CAV1: variants seen among roughly 807,000 people sequenced by gnomAD.
CAV1 encodes the protein caveolin 1, also known as caveolin-1.
CAV1 carries 10 observed loss-of-function variants against 16.5 expected under a neutral mutation model. The ratio of observed to expected loss-of-function variants is 0.61; its 90% CI spans 0.37 to 1.03. CAV1 has a LOEUF of 1.03. Among genes scored for constraint, CAV1 ranks in the 50% least tolerant of loss-of-function variants. CAV1 has a pLI of 0.01. For missense variants in CAV1, 212 were observed against 232.8 expected, an observed-to-expected ratio of 0.91 and a Z score of 0.58; for synonymous variants, 76 against 85.1, an observed-to-expected ratio of 0.89 and a Z score of 0.59.
chr7:116,550,325 C>T (rs142620122), intron 2 of CAV1, among the ~76,000 whole-genome samples: 303 of 152,238 alleles, frequency 2.0e-3, no homozygotes, highest in Non-Finnish European at 3.1e-3. Context: ...CCAAGGGAAC[C>T]AACGTCGAAG....
chr7:116,558,522 T>C (rs908641691), intron 2 of CAV1, among the ~76,000 whole-genome samples: 11 of 150,944 alleles, frequency 7.3e-5, no homozygotes, highest in African/African-American at 2.2e-4. Context: ...CCAAGGTGGG[T>C]GGATTCCTTG....
chr7:116,554,421 G>A (rs1037814692), intron 2 of CAV1, among the ~76,000 whole-genome samples: 7 of 152,178 alleles, frequency 4.6e-5, no homozygotes, highest in African/African-American at 1.4e-4. Context: ...AGGAGACCTA[G>A]AGATATGAAT....
chr7:116,529,309 C>T (rs1793636314), intron 2 of CAV1, among the ~76,000 whole-genome samples: 1 of 152,198 alleles, frequency 6.6e-6, no homozygotes, highest in East Asian at 1.9e-4. Flanking sequence ...GTCCTAAAAG[C>T]AAGCAGCCCT....
At chr7:116,532,053 G>T (rs938365715) in intron 2 of CAV1, among the ~76,000 whole-genome samples, 1 of 152,062 alleles carries the variant, frequency 6.6e-6, no homozygotes, top group Non-Finnish European at 1.5e-5. Flanking sequence ...TCTATTAACT[G>T]CAATCAAAAA....
intron 2 of CAV1, among the ~76,000 whole-genome samples, chr7:116,553,674 A>G (rs1794207600): frequency 6.6e-6 from 1 of 152,122 alleles, no homozygotes; most frequent in South Asian, 2.1e-4. Context: ...TGTTCTGCTC[A>G]TATTCTAAGT....
intron 2 of CAV1, among the ~76,000 whole-genome samples, chr7:116,538,387 A>T (rs775313598): frequency 6.6e-5 from 10 of 152,212 alleles, no homozygotes; most frequent in Non-Finnish European, 1.3e-4. Flanking sequence ...CTCAGCAATC[A>T]TGGTTCACTG....
At chr7:116,525,516 C>G (rs1415650583) in intron 1 of CAV1, 6 of 1,238,376 alleles carry the variant, frequency 4.8e-6, no homozygotes, top group Non-Finnish European at 6.2e-6. Context: ...CCCCGGGACT[C>G]TCCGCCAGGC....
intron 2 of CAV1, among the ~76,000 whole-genome samples, chr7:116,546,702 A>AAAAAAATAAAATAAAAT (rs1554356434): frequency 7.0e-6 from 1 of 143,054 alleles, no homozygotes; most frequent in African/African-American, 2.6e-5. Context: ...TGTCACAAAA[A>AAAAAAATAAAATAAAAT]AAAAAAAAAA....
chr7:116,558,287 A>C (rs1297372069), intron 2 of CAV1, among the ~76,000 whole-genome samples: 1 of 152,062 alleles, frequency 6.6e-6, no homozygotes, highest in Non-Finnish European at 1.5e-5. Flanking sequence ...ATCCTTATCC[A>C]TGTTTGGGGG....
intron 1 of CAV1, chr7:116,525,509 C>T: frequency 8.0e-7 from 1 of 1,245,102 alleles, no homozygotes; most frequent in Non-Finnish European, 1.0e-6. Flanking sequence ...GGACAGTCCC[C>T]GGGACTCTCC....
chr7:116,527,034 T>C, intron 2 of CAV1: 1 of 365,072 alleles, frequency 2.7e-6, no homozygotes, highest in South Asian at 2.3e-5. Flanking sequence ...AGATGGTTCC[T>C]ATCCATTCCC....
intron 2 of CAV1, among the ~76,000 whole-genome samples, chr7:116,557,731 T>A (rs938731524): frequency 1.3e-5 from 2 of 152,154 alleles, no homozygotes; most frequent in African/African-American, 4.8e-5. Context: ...CTTTTTTTTA[T>A]GACCACCTTT....
intron 2 of CAV1, among the ~76,000 whole-genome samples, chr7:116,541,034 G>T (rs757672542): frequency 1.3e-5 from 2 of 152,146 alleles, no homozygotes; most frequent in Admixed American, 6.5e-5. Context: ...CTCAAACTAG[G>T]TCTGTCAATT....
intron 2 of CAV1, among the ~76,000 whole-genome samples, chr7:116,550,763 A>G (rs73208115): frequency 0.015 from 2,345 of 152,290 alleles, 25 homozygotes; most frequent in South Asian, 0.035. Flanking sequence ...GTATGTATTT[A>G]ATCTTTTTTT....
At position 116,553,636 on chromosome 7, in the gene CAV1, T is replaced by C. The variant is rs570136088; in HGVS notation, c.196-5310T>C. Reference sequence around the variant, plus strand: ...TAATGGCACCTACACCTCTTGGGCATTGAGTTTTTAAGCCCATTTTTAATT... The same window carrying C: ...TAATGGCACCTACACCTCTTGGGCACTGAGTTTTTAAGCCCATTTTTAATT... On this transcript the variant is annotated intron_variant, in intron 2 of 2. Transcript: ENST00000341049. Among the ~76,000 whole-genome samples the C allele has an allele frequency of 1.7e-3, 252 of 152,176 alleles. 1 individual carries two copies. Among genetic ancestry groups the C allele is most frequent in the African/African-American group, 5.8e-3 (240 of 41,554 alleles).
At chr7:116,538,902 G>A (rs1270996638) in intron 2 of CAV1, among the ~76,000 whole-genome samples, 1 of 152,176 alleles carries the variant, frequency 6.6e-6, no homozygotes, top group Non-Finnish European at 1.5e-5. Flanking sequence ...AAAAGCATCA[G>A]ATTTCGTGGG....
Position 116,559,497 on chromosome 7 carries a change from C to A in CAV1, c.*210C>A. ...TTTGGCAGTCTGAATTTTTAAAACC[C>A]ATTTAAATTTTTTTCCTTACCTTTT... is the stretch of plus-strand genomic sequence containing the variant. On this transcript the variant is annotated 3_prime_UTR_variant, in exon 3 of 3. Transcript: ENST00000341049. The A allele has an allele frequency of 1.7e-6, 1 of 602,848 alleles. No homozygotes were observed. The highest frequency in any genetic ancestry group is 3.0e-5 in the Admixed American group (1 of 32,944). The allele number at this position is 602,848 out of a possible 1,614,324, so 37.3% of individuals were successfully genotyped here.
At chr7:116,526,874 C>A in intron 2 of CAV1, 185 bp downstream of exon 2, 2 of 661,028 alleles carry the variant, frequency 3.0e-6, no homozygotes, top group South Asian at 3.5e-5. Context: ...AGAAACGTTA[C>A]ATCTCCCTTC....
chr7:116,559,747 CT>C lies in CAV1; in HGVS notation c.*464del. On this transcript the variant is annotated 3_prime_UTR_variant, in exon 3 of 3. Transcript: ENST00000341049. ...TATGTGGGCAGATTTTCAGCAAACT[CT>C]TTTCCCACTGTTTAAGGAGTTAGTG... 2.3e-6 allele frequency: 1 copy of C among 434,978 alleles called. No homozygotes were observed. 26.9% of individuals were successfully genotyped at this position (434,978 alleles called of 1,614,324 possible). A position where few individuals can be genotyped will look rare whatever the true frequency, so the allele number is the denominator to read the frequency against.
Sources: gnomAD v4.1 joint callset for allele counts (sites outside exome capture counted in the v4.1 genomes callset) on GRCh38, gnomAD v4.1.1 for gene constraint, MANE v1.5 for transcripts, NCBI Gene and HGNC (gene_info 2026-07-23, HGNC 2026-07-21) for gene names.